Variants in PIP4K2A observed in about 807,000 individuals in gnomAD.
The protein encoded by PIP4K2A is phosphatidylinositol-5-phosphate 4-kinase type 2 alpha.
In PIP4K2A, 14 loss-of-function variants were observed where a neutral mutation model predicts 42.9. The observed-to-expected ratio is 0.33, with a 90% CI of 0.22 to 0.51. The LOEUF (loss-of-function observed/expected upper bound fraction) is 0.51. PIP4K2A is among the 20% of genes least tolerant of loss of function. The pLI is 0.97. For missense variants in PIP4K2A, 434 were observed against 519.8 expected (o/e 0.83, Z 1.61); for synonymous variants, 192 against 192.2 (o/e 1.00, Z 0.01).
chr10:22,579,863 T>C (rs1588639609), intron 4 of PIP4K2A, among the ~76,000 whole-genome samples: 1 of 149,880 alleles, frequency 6.7e-6, no homozygotes, highest in Non-Finnish European at 1.5e-5. Flanking sequence ...GAGCCGAGAG[T>C]GTGCCACTGC....
chr10:22,687,944 T>C (rs1255056255), intron 1 of PIP4K2A, among the ~76,000 whole-genome samples: 6 of 152,218 alleles, frequency 3.9e-5, no homozygotes, highest in Non-Finnish European at 2.9e-5. Flanking sequence ...TGCTTCACTA[T>C]AGTCACTATT....
chr10:22,663,600 AAG>A (rs1415808809), intron 1 of PIP4K2A, among the ~76,000 whole-genome samples: 3 of 152,202 alleles, frequency 2.0e-5, no homozygotes, highest in African/African-American at 7.2e-5. Context: ...AAAGAATACG[AAG>A]AGAAAAAATA....
intron 1 of PIP4K2A, among the ~76,000 whole-genome samples, chr10:22,672,416 T>C (rs745630613): frequency 1.3e-5 from 2 of 152,214 alleles, no homozygotes; most frequent in Non-Finnish European, 2.9e-5. Flanking sequence ...GATTTGTCTA[T>C]AGTGATTTAA....
intron 1 of PIP4K2A, among the ~76,000 whole-genome samples, chr10:22,639,544 CAAG>C (rs941319215): frequency 2.0e-5 from 3 of 151,038 alleles, no homozygotes; most frequent in African/African-American, 4.9e-5. Flanking sequence ...GTAATATACT[CAAG>C]AATACAAATT....
chr10:22,605,954 C>T (rs1311073431), intron 3 of PIP4K2A, among the ~76,000 whole-genome samples: 2 of 151,694 alleles, frequency 1.3e-5, no homozygotes, highest in Non-Finnish European at 2.9e-5. Flanking sequence ...ATGCTTTTTA[C>T]TATTCTAATA....
At chr10:22,711,655 T>A (rs1043535669) in intron 1 of PIP4K2A, among the ~76,000 whole-genome samples, 2 of 152,268 alleles carry the variant, frequency 1.3e-5, no homozygotes, top group African/African-American at 4.8e-5. Context: ...ATGAGCGTTT[T>A]ACCACAGTAT....
rs1274011207 is a variant in PIP4K2A at position 22,536,320 on chromosome 10, C to CATTA, written c.*877_*880dup. ...GGTAAGCTTTACTTTTATTTTGTAG[C>CATTA]ATTAATTCCTATATTGCAACGTAAG... On this transcript the variant is annotated 3_prime_UTR_variant, in exon 10 of 10. Coordinates refer to ENST00000376573, the MANE Select transcript of PIP4K2A (RefSeq NM_005028.5). The CATTA allele has an allele frequency of 2.6e-6, 1 of 388,530 alleles. No homozygotes were observed. The highest frequency in any genetic ancestry group is 3.6e-5 in the East Asian group (1 of 27,644). The allele number at this position is 388,530 out of a possible 1,614,324, so 24.1% of individuals were successfully genotyped here. A position where few individuals can be genotyped will look rare whatever the true frequency, so the allele number is the denominator to read the frequency against.
At position 22,536,724 on chromosome 10, in the gene PIP4K2A, A is replaced by AAAAAAAAAAAAAAAAAAC. The variant is rs1554791590; in HGVS notation, c.*476_*477insGTTTTTTTTTTTTTTTTT. The AAAAAAAAAAAAAAAAAAC allele has an allele frequency of 1.5e-5, 2 of 136,824 alleles. No individual in the cohort carries two copies. The highest frequency in any genetic ancestry group is 2.3e-4 in the South Asian group (1 of 4,332). 8.5% of individuals were successfully genotyped at this position (136,824 alleles called of 1,614,324 possible). Reference sequence around the variant, plus strand: ...CACATCTTTCAACTCCAAAAAAAAAAAAAAAAAAAAAAAACTGATCCACAG... The same window carrying AAAAAAAAAAAAAAAAAAC: ...CACATCTTTCAACTCCAAAAAAAAAAAAAAAAAAAAAAAAAAACAAAAAAAAAAAAAACTGATCCACAG... On this transcript the variant is annotated 3_prime_UTR_variant, in exon 10 of 10. Coordinates refer to ENST00000376573, the MANE Select transcript of PIP4K2A (RefSeq NM_005028.5).
intron 1 of PIP4K2A, among the ~76,000 whole-genome samples, chr10:22,701,854 G>A (rs1193934620): frequency 6.6e-6 from 1 of 152,196 alleles, no homozygotes; most frequent in Non-Finnish European, 1.5e-5. Context: ...GGCTCTAAGG[G>A]CTTTGATGGC....
At chr10:22,628,066 A>C (rs542848420) in intron 1 of PIP4K2A, among the ~76,000 whole-genome samples, 1 of 152,212 alleles carries the variant, frequency 6.6e-6, no homozygotes, top group Non-Finnish European at 1.5e-5. Flanking sequence ...TGATTTTACT[A>C]TTATATCTAG....
intron 1 of PIP4K2A, among the ~76,000 whole-genome samples, chr10:22,687,189 A>C (rs891307426): frequency 2.0e-5 from 3 of 152,038 alleles, no homozygotes; most frequent in Non-Finnish European, 4.4e-5. Context: ...CTCAGATGAA[A>C]GAGAAACCCT....
chr10:22,593,651 G>C (rs572238867), intron 3 of PIP4K2A, among the ~76,000 whole-genome samples: 1 of 152,120 alleles, frequency 6.6e-6, no homozygotes, highest in East Asian at 1.9e-4. Context: ...CTTTGTTAGT[G>C]GTCTTACTTT....
At chr10:22,554,789 A>T (rs1434496267) in intron 6 of PIP4K2A, among the ~76,000 whole-genome samples, 2 of 152,168 alleles carry the variant, frequency 1.3e-5, no homozygotes, top group East Asian at 3.9e-4. Flanking sequence ...TATGGGAGGG[A>T]ACTGCTCTTC....
At chr10:22,580,191 A>C (rs1165315144) in intron 4 of PIP4K2A, among the ~76,000 whole-genome samples, 3 of 152,006 alleles carry the variant, frequency 2.0e-5, no homozygotes, top group Non-Finnish European at 2.9e-5. Context: ...ATAATGCTGC[A>C]GTGTCTCTGT....
intron 1 of PIP4K2A, chr10:22,691,902 C>G (rs1175631558): frequency 6.6e-6 from 1 of 152,152 alleles, no homozygotes; most frequent in East Asian, 1.9e-4. Context: ...CTGGACTGTG[C>G]AATAGAAAAC....
chr10:22,698,859 G>A (rs1165693000), intron 1 of PIP4K2A, among the ~76,000 whole-genome samples: 2 of 152,090 alleles, frequency 1.3e-5, no homozygotes, highest in Non-Finnish European at 2.9e-5. Flanking sequence ...CAGAAAATAT[G>A]CTATGTATCT....
chr10:22,680,768 G>T (rs1261347446), intron 1 of PIP4K2A, among the ~76,000 whole-genome samples: 1 of 152,180 alleles, frequency 6.6e-6, no homozygotes, highest in African/African-American at 2.4e-5. Flanking sequence ...TTGAGGTCTT[G>T]GTGATGTTGT....
chr10:22,577,340 C>T (rs1332265113), intron 4 of PIP4K2A, among the ~76,000 whole-genome samples: 1 of 151,890 alleles, frequency 6.6e-6, no homozygotes. Context: ...CAATGTGATC[C>T]CCAATGTTGG....
chr10:22,625,752 G>A (rs1838423361), intron 1 of PIP4K2A, among the ~76,000 whole-genome samples: 1 of 152,152 alleles, frequency 6.6e-6, no homozygotes, highest in African/African-American at 2.4e-5. Flanking sequence ...GCAGGGCCAC[G>A]ACAACAGCAT....
Sources: gnomAD v4.1 joint callset for allele counts (sites outside exome capture counted in the v4.1 genomes callset) on GRCh38, gnomAD v4.1.1 for gene constraint, MANE v1.5 for transcripts, NCBI Gene and HGNC (gene_info 2026-07-23, HGNC 2026-07-21) for gene names.